The following RPS6KC1 variants were observed in gnomAD, a reference collection of about 807,000 sequenced individuals.
RPS6KC1 encodes the protein ribosomal protein S6 kinase C1.
In RPS6KC1, 54 loss-of-function variants were observed where a neutral mutation model predicts 103.8. That is an observed-to-expected ratio of 0.52 (90% CI 0.42 to 0.65). The LOEUF (loss-of-function observed/expected upper bound fraction) is 0.65, where lower values mean the gene tolerates loss of function less well. RPS6KC1 is among the 30% of genes least tolerant of loss of function. RPS6KC1 has a pLI of 0.00. For synonymous variants in RPS6KC1, 439 were observed against 438.7 expected (o/e 1.00, Z -0.01); for missense variants, 1,151 against 1,253.8 (o/e 0.92, Z 1.24).
the RPS6KC1 span, among the ~76,000 whole-genome samples, chr1:213,350,027 G>A: frequency 6.6e-6 from 1 of 152,072 alleles, no homozygotes; most frequent in South Asian, 2.1e-4. Context: ...TAAGTCCCTA[G>A]GGGTTTGGAA....
the RPS6KC1 span, among the ~76,000 whole-genome samples, chr1:213,327,483 G>GT: frequency 1.3e-5 from 2 of 152,178 alleles, no homozygotes; most frequent in African/African-American, 4.8e-5. Flanking sequence ...TTCCACTCAG[G>GT]TTTTTGGTCA....
the RPS6KC1 span, among the ~76,000 whole-genome samples, chr1:213,462,878 T>A: frequency 6.6e-6 from 1 of 152,196 alleles, no homozygotes; most frequent in Non-Finnish European, 1.5e-5. Flanking sequence ...TTGGCACATA[T>A]ATCCCAGAAC....
At chr1:213,579,807 A>G in the RPS6KC1 span, among the ~76,000 whole-genome samples, 1,049 of 152,182 alleles carry the variant, frequency 6.9e-3, 15 homozygotes, top group Non-Finnish European at 0.011. Context: ...ATGACAGCAC[A>G]TCTATTTATA....
At chr1:213,424,430 G>C in the RPS6KC1 span, among the ~76,000 whole-genome samples, 1 of 152,250 alleles carries the variant, frequency 6.6e-6, no homozygotes, top group Non-Finnish European at 1.5e-5. Context: ...AGGTAACTTA[G>C]AAGCGTTTCG....
chr1:213,110,327 G>T (rs1406062094), intron 4 of RPS6KC1, among the ~76,000 whole-genome samples: 1 of 152,068 alleles, frequency 6.6e-6, no homozygotes, highest in Non-Finnish European at 1.5e-5. Context: ...ATATACGATA[G>T]AACTCTAAGT....
chr1:213,464,551 ATTATC>A, the RPS6KC1 span, among the ~76,000 whole-genome samples: 22 of 152,180 alleles, frequency 1.4e-4, no homozygotes, highest in South Asian at 4.6e-3. Flanking sequence ...AAAAAAATAT[ATTATC>A]TTTCATTAGT....
intron 8 of RPS6KC1, among the ~76,000 whole-genome samples, chr1:213,178,043 A>G (rs1157400019): frequency 1.3e-5 from 2 of 151,508 alleles, no homozygotes; most frequent in African/African-American, 4.9e-5. Context: ...CGTCTACAAA[A>G]AAAGAAAAAG....
intron 7 of RPS6KC1, among the ~76,000 whole-genome samples, chr1:213,169,147 C>T (rs1025020113): frequency 1.3e-5 from 2 of 152,160 alleles, no homozygotes; most frequent in Admixed American, 6.5e-5. Flanking sequence ...AAGCCAAAGA[C>T]TAAGTTTTAG....
chr1:213,101,700 A>G (rs1424235495), intron 3 of RPS6KC1, among the ~76,000 whole-genome samples: 1 of 152,202 alleles, frequency 6.6e-6, no homozygotes. Context: ...GTCAAAGTAT[A>G]AAATAATGTG....
At chr1:213,067,697 T>C (rs1413160381) in intron 1 of RPS6KC1, among the ~76,000 whole-genome samples, 4 of 152,210 alleles carry the variant, frequency 2.6e-5, no homozygotes, top group Non-Finnish European at 5.9e-5. Flanking sequence ...ACCACTAGAC[T>C]ATGAGCTCCA....
the RPS6KC1 span, among the ~76,000 whole-genome samples, chr1:213,579,050 A>G: frequency 2.0e-5 from 3 of 151,976 alleles, no homozygotes; most frequent in African/African-American, 4.8e-5. Context: ...GAGGTAATTG[A>G]CTTATGGGGG....
intron 8 of RPS6KC1, among the ~76,000 whole-genome samples, chr1:213,223,136 T>C (rs143188120): frequency 2.2e-4 from 33 of 152,204 alleles, no homozygotes; most frequent in Admixed American, 2.0e-3. Context: ...TCATCCAGAT[T>C]ATAAGCAGCA....
At chr1:213,184,488 T>A (rs1056561197) in intron 8 of RPS6KC1, among the ~76,000 whole-genome samples, 1 of 152,060 alleles carries the variant, frequency 6.6e-6, no homozygotes. Context: ...ATTTTTTTTT[T>A]GCCTCAATTT....
the RPS6KC1 span, among the ~76,000 whole-genome samples, chr1:213,776,878 C>G: frequency 6.6e-6 from 1 of 152,104 alleles, no homozygotes; most frequent in Non-Finnish European, 1.5e-5. Context: ...GTTTTTACAT[C>G]AGTGCTTGCT....
the RPS6KC1 span, among the ~76,000 whole-genome samples, chr1:213,810,881 G>A: frequency 6.6e-6 from 1 of 152,166 alleles, no homozygotes; most frequent in African/African-American, 2.4e-5. Context: ...CCAGCAAAAA[G>A]CTGGTAAGTG....
intron 5 of RPS6KC1, among the ~76,000 whole-genome samples, chr1:213,124,944 G>A (rs1041150435): frequency 3.9e-5 from 6 of 152,070 alleles, no homozygotes; most frequent in Non-Finnish European, 8.8e-5. Flanking sequence ...CTTTGTACTT[G>A]TGTCTAACTC....
the RPS6KC1 span, among the ~76,000 whole-genome samples, chr1:213,732,057 A>G: frequency 6.6e-6 from 1 of 152,148 alleles, no homozygotes; most frequent in Non-Finnish European, 1.5e-5. Flanking sequence ...AGAGGCTGTG[A>G]TGTAATATTT....
chr1:213,107,293 A>G (rs752680734), intron 4 of RPS6KC1, among the ~76,000 whole-genome samples: 1 of 152,090 alleles, frequency 6.6e-6, no homozygotes, highest in Admixed American at 6.6e-5. Flanking sequence ...TCTACTTGCT[A>G]TGGTGATCCC....
chr1:213,605,462 T>C, the RPS6KC1 span, among the ~76,000 whole-genome samples: 32 of 152,226 alleles, frequency 2.1e-4, no homozygotes, highest in African/African-American at 7.7e-4. Context: ...CAGAATGTTC[T>C]GTGATTTAAT....
Sources: gnomAD v4.1 joint callset for allele counts (sites outside exome capture counted in the v4.1 genomes callset) on GRCh38, gnomAD v4.1.1 for gene constraint, MANE v1.5 for transcripts, NCBI Gene and HGNC (gene_info 2026-07-23, HGNC 2026-07-21) for gene names.